The following LINGO2 variants were observed in gnomAD, a reference collection of about 807,000 sequenced individuals.
LINGO2 encodes the protein leucine rich repeat and Ig domain containing 2, also known as leucine-rich repeat and immunoglobulin-like domain-containing nogo receptor-interacting protein 2.
In LINGO2, 14 loss-of-function variants were observed where a neutral mutation model predicts 30.6. The observed-to-expected ratio is 0.46, with a 90% CI of 0.30 to 0.72. The LOEUF is 0.72. Ranked by LOEUF, LINGO2 falls within the 30% of genes least tolerant of loss-of-function variation. The pLI is 0.07. For synonymous variants in LINGO2, 317 were observed against 288.5 expected, an observed-to-expected ratio of 1.10 and a Z score of -1.00; for missense variants, 729 against 751.7, an observed-to-expected ratio of 0.97 and a Z score of 0.35.
intron 4 of LINGO2, among the ~76,000 whole-genome samples, chr9:28,276,768 C>T (rs1483890496): frequency 6.6e-6 from 1 of 152,126 alleles, no homozygotes; most frequent in Non-Finnish European, 1.5e-5. Context: ...TCCTGAGCTA[C>T]AGGGGGATAA....
chr9:28,219,972 A>C (rs1395961470), intron 4 of LINGO2, among the ~76,000 whole-genome samples: 1 of 152,188 alleles, frequency 6.6e-6, no homozygotes, highest in African/African-American at 2.4e-5. Flanking sequence ...TCTGGATGAC[A>C]TGAACTAGGA....
chr9:28,633,065 T>A (rs1448371329), intron 1 of LINGO2, among the ~76,000 whole-genome samples: 1 of 151,606 alleles, frequency 6.6e-6, no homozygotes, highest in African/African-American at 2.4e-5. Context: ...GCATCCAGCA[T>A]AGGAGAAAGA....
chr9:29,120,500 TAAAA>T, the LINGO2 span, among the ~76,000 whole-genome samples: 1 of 152,280 alleles, frequency 6.6e-6, no homozygotes, highest in East Asian at 1.9e-4. Flanking sequence ...AACAGTTAAA[TAAAA>T]CCTACAAAGG....
At chr9:28,907,660 T>C in the LINGO2 span, among the ~76,000 whole-genome samples, 23 of 151,740 alleles carry the variant, frequency 1.5e-4, no homozygotes, top group Middle Eastern at 3.2e-3. Context: ...TAAGAAGCTA[T>C]GTCAATTACA....
intron 4 of LINGO2, among the ~76,000 whole-genome samples, chr9:28,184,282 C>T (rs918330187): frequency 3.3e-5 from 5 of 152,012 alleles, no homozygotes; most frequent in African/African-American, 9.7e-5. Flanking sequence ...TACCCTCTTT[C>T]GTTTCTTTTG....
At chr9:27,981,815 T>C (rs922435181) in intron 5 of LINGO2, among the ~76,000 whole-genome samples, 2 of 151,758 alleles carry the variant, frequency 1.3e-5, no homozygotes, top group Non-Finnish European at 2.9e-5. Flanking sequence ...ATAATGCAAA[T>C]ACAATAGTAG....
the LINGO2 span, among the ~76,000 whole-genome samples, chr9:28,977,848 G>C: frequency 6.6e-6 from 1 of 152,040 alleles, no homozygotes; most frequent in Admixed American, 6.6e-5. Flanking sequence ...GGTTCACTGC[G>C]AGCTGAATTC....
chr9:28,302,587 C>T (rs1010064164), intron 3 of LINGO2, among the ~76,000 whole-genome samples: 3 of 152,098 alleles, frequency 2.0e-5, no homozygotes, highest in African/African-American at 7.2e-5. Context: ...GGGAGGATCA[C>T]CTGAACCCAG....
chr9:28,100,899 C>G (rs1019750240), intron 4 of LINGO2, among the ~76,000 whole-genome samples: 1 of 152,064 alleles, frequency 6.6e-6, no homozygotes, highest in African/African-American at 2.4e-5. Context: ...ATTCGCCACC[C>G]ACGAAAACTA....
At chr9:28,210,711 TAG>T (rs1336729469) in intron 4 of LINGO2, among the ~76,000 whole-genome samples, 1 of 151,652 alleles carries the variant, frequency 6.6e-6, no homozygotes, top group East Asian at 1.9e-4. Flanking sequence ...GTAAAACTGG[TAG>T]AGTTTTATGA....
At chr9:29,077,014 C>G in the LINGO2 span, among the ~76,000 whole-genome samples, 16 of 152,194 alleles carry the variant, frequency 1.1e-4, no homozygotes, top group Middle Eastern at 6.8e-3. Context: ...TGATTCCTAT[C>G]AATGTCTGGT....
intron 3 of LINGO2, among the ~76,000 whole-genome samples, chr9:28,371,858 C>A (rs1004209850): frequency 1.3e-5 from 2 of 152,126 alleles, no homozygotes; most frequent in African/African-American, 4.8e-5. Flanking sequence ...GGAAACTATG[C>A]TCATTTATCA....
At chr9:28,663,862 T>C (rs1828683000) in intron 1 of LINGO2, among the ~76,000 whole-genome samples, 1 of 152,040 alleles carries the variant, frequency 6.6e-6, no homozygotes, top group South Asian at 2.1e-4. Flanking sequence ...TGAGTTGAGA[T>C]AAACACGAAA....
At chr9:29,167,517 A>T in the LINGO2 span, among the ~76,000 whole-genome samples, 2 of 152,178 alleles carry the variant, frequency 1.3e-5, no homozygotes, top group Admixed American at 6.5e-5. Flanking sequence ...TCAGCAAAAC[A>T]TCTGAATGAT....
chr9:28,307,862 C>A (rs1208334065), intron 3 of LINGO2, among the ~76,000 whole-genome samples: 1 of 152,054 alleles, frequency 6.6e-6, no homozygotes, highest in Non-Finnish European at 1.5e-5. Flanking sequence ...ACCTAGAAAT[C>A]CAACTTACAA....
chr9:29,017,705 C>T, the LINGO2 span, among the ~76,000 whole-genome samples: 1 of 152,042 alleles, frequency 6.6e-6, no homozygotes, highest in Non-Finnish European at 1.5e-5. Context: ...GTGAGGAAGT[C>T]AGGAGAAGCT....
At chr9:29,113,347 T>C in the LINGO2 span, among the ~76,000 whole-genome samples, 1 of 152,122 alleles carries the variant, frequency 6.6e-6, no homozygotes, top group Non-Finnish European at 1.5e-5. Flanking sequence ...TTGCAAACAG[T>C]GTATAGGGAC....
chr9:28,164,203 C>T (rs2133614183), intron 4 of LINGO2, among the ~76,000 whole-genome samples: 1 of 152,238 alleles, frequency 6.6e-6, no homozygotes, highest in Middle Eastern at 3.4e-3. Flanking sequence ...ATTATTTTGA[C>T]ATCTGAAGGT....
At chr9:27,984,163 T>C (rs959305123) in intron 5 of LINGO2, among the ~76,000 whole-genome samples, 8 of 151,818 alleles carry the variant, frequency 5.3e-5, no homozygotes, top group African/African-American at 1.7e-4. Context: ...GAATGCTAGC[T>C]TGAGTAGTTT....
Sources: gnomAD v4.1 joint callset for allele counts (sites outside exome capture counted in the v4.1 genomes callset) on GRCh38, gnomAD v4.1.1 for gene constraint, MANE v1.5 for transcripts, NCBI Gene and HGNC (gene_info 2026-07-23, HGNC 2026-07-21) for gene names.